Variants in EPSTI1 observed in about 807,000 individuals in gnomAD.
The protein encoded by EPSTI1 is epithelial stromal interaction 1.
A neutral mutation model predicts 49.9 loss-of-function variants in EPSTI1; 66 were observed. The observed-to-expected ratio is 1.32, with a 90% CI of 1.08 to 1.62. The LOEUF (loss-of-function observed/expected upper bound fraction) is 1.62. Ranked by LOEUF, EPSTI1 falls within the 40% of genes most tolerant of loss-of-function variation. EPSTI1 has a pLI of 0.00. For missense variants in EPSTI1, 394 were observed against 365.5 expected (o/e 1.08, Z -0.64); for synonymous variants, 137 against 130.7 (o/e 1.05, Z -0.33).
At chr13:42,898,010 A>C (rs2037244914) in intron 9 of EPSTI1, among the ~76,000 whole-genome samples, 1 of 152,130 alleles carries the variant, frequency 6.6e-6, no homozygotes, top group Non-Finnish European at 1.5e-5. Flanking sequence ...TCATGGCCCA[A>C]ATCCTTTCAA....
intron 8 of EPSTI1, among the ~76,000 whole-genome samples, chr13:42,908,484 G>GAA (rs140923122): frequency 0.31 from 34,474 of 112,098 alleles, 5,643 homozygotes; most frequent in Middle Eastern, 0.42. Context: ...ACTCTGTTAT[G>GAA]AAAAAAAAAA....
chr13:42,949,750 C>T (rs1261569021), intron 6 of EPSTI1, among the ~76,000 whole-genome samples: 1 of 152,054 alleles, frequency 6.6e-6, no homozygotes, highest in Non-Finnish European at 1.5e-5. Context: ...TACCCGCACA[C>T]AAAATGAATC....
chr13:42,987,801 A>C (rs562304783), intron 1 of EPSTI1, among the ~76,000 whole-genome samples: 1 of 152,132 alleles, frequency 6.6e-6, no homozygotes, highest in Non-Finnish European at 1.5e-5. Context: ...CCTAGTTTTT[A>C]ATTAGTTCTT....
intron 3 of EPSTI1, among the ~76,000 whole-genome samples, 188 bp downstream of exon 3, chr13:42,968,906 A>G (rs1444077926): frequency 2.7e-5 from 1 of 37,104 alleles, no homozygotes; most frequent in African/African-American, 7.5e-5. Context: ...GCAGAAAATC[A>G]GAAAAAAAAA....
At chr13:42,972,565 C>A (rs1231137982) in intron 1 of EPSTI1, among the ~76,000 whole-genome samples, 1 of 152,190 alleles carries the variant, frequency 6.6e-6, no homozygotes, top group African/African-American at 2.4e-5. Flanking sequence ...TGACTTAGAT[C>A]AGTTTTCTGT....
chr13:42,917,178 A>G (rs1486942398), intron 8 of EPSTI1, among the ~76,000 whole-genome samples: 1 of 152,134 alleles, frequency 6.6e-6, no homozygotes, highest in Non-Finnish European at 1.5e-5. Flanking sequence ...GCATTATCAC[A>G]TTCTCTGGAT....
At chr13:42,927,668 A>C (rs2153422012) in intron 6 of EPSTI1, among the ~76,000 whole-genome samples, 1 of 152,294 alleles carries the variant, frequency 6.6e-6, no homozygotes, top group African/African-American at 2.4e-5. Context: ...AAAGGTCAGA[A>C]GCTTGATCTG....
At chr13:42,921,529 G>T (rs769062718) in intron 7 of EPSTI1, among the ~76,000 whole-genome samples, 2 of 152,150 alleles carry the variant, frequency 1.3e-5, no homozygotes, top group Non-Finnish European at 2.9e-5. Flanking sequence ...CAAGAAAATA[G>T]AAGAAATGAG....
intron 1 of EPSTI1, among the ~76,000 whole-genome samples, chr13:42,985,960 C>A (rs1323411163): frequency 6.6e-6 from 1 of 152,242 alleles, no homozygotes; most frequent in Non-Finnish European, 1.5e-5. Flanking sequence ...CCTCCTGTTT[C>A]CTCACTGAGA....
At chr13:42,911,289 G>A (rs78155306) in intron 8 of EPSTI1, among the ~76,000 whole-genome samples, 27,174 of 120,004 alleles carry the variant, frequency 0.23, 2,583 homozygotes, top group Admixed American at 0.27. Context: ...GCACACGTGT[G>A]TGAGTGTGCA....
At chr13:42,924,332 C>A (rs2038107308) in intron 7 of EPSTI1, among the ~76,000 whole-genome samples, 1 of 152,164 alleles carries the variant, frequency 6.6e-6, no homozygotes, top group South Asian at 2.1e-4. Flanking sequence ...CTCTGAGGAT[C>A]CTATGACAAA....
chr13:42,968,953 C>CACACACACACACACACACAA, intron 3 of EPSTI1, 141 bp downstream of exon 3: 1 of 605,650 alleles, frequency 1.7e-6, no homozygotes. Flanking sequence ...CACACACACA[C>CACACACACACACACACACAA]AATTAAATGC....
At chr13:42,985,568 G>A (rs999101137) in intron 1 of EPSTI1, among the ~76,000 whole-genome samples, 3 of 152,170 alleles carry the variant, frequency 2.0e-5, no homozygotes, top group African/African-American at 7.2e-5. Flanking sequence ...GAAGGAAAGA[G>A]GATTGAGTAG....
At chr13:42,988,850 GTTTATTTA>G (rs71734350) in intron 1 of EPSTI1, among the ~76,000 whole-genome samples, 94,631 of 149,850 alleles carry the variant, frequency 0.63, 31,381 homozygotes, top group Non-Finnish European at 0.74. Context: ...CAAATAGGTG[GTTTATTTA>G]TTTATTTATT....
In EPSTI1 at chr13:42,891,289, A is replaced by G. The variant is rs918913085; in HGVS notation, c.916-2787T>C. Among the ~76,000 whole-genome samples, 4 of 152,170 alleles carry G rather than the reference A, an allele frequency of 2.6e-5. 1 individual carries two copies. Among genetic ancestry groups the G allele is most frequent in the African/African-American group, 9.7e-5 (4 of 41,436 alleles). On this transcript the variant is annotated intron_variant, in intron 10 of 10. Transcript: ENST00000313624. Reference sequence around the variant, plus strand: ...TTCTTTTTAATCAGAAAAACTTTCTAGACATTTGAAATAATCTGTTCCTTG... The same window carrying G: ...TTCTTTTTAATCAGAAAAACTTTCTGGACATTTGAAATAATCTGTTCCTTG...
In EPSTI1 at chr13:42,888,143, CA is replaced by C; in HGVS notation, c.*350del. The C allele has an allele frequency of 7.5e-7, 1 of 1,329,200 alleles. No homozygotes were observed. 82.3% of individuals were successfully genotyped at this position (1,329,200 alleles called of 1,614,324 possible). On this transcript the variant is annotated 3_prime_UTR_variant, in exon 11 of 11. Coordinates refer to ENST00000313624, the MANE Select transcript of EPSTI1 (RefSeq NM_033255.5). ...ATCTGAGAATTAGATAAGAATATGT[CA>C]CTTAGAAAGACAAGCCTGTAGCACC...
At chr13:42,967,366 G>T (rs2039650685) in intron 3 of EPSTI1, among the ~76,000 whole-genome samples, 1 of 151,974 alleles carries the variant, frequency 6.6e-6, no homozygotes, top group Admixed American at 6.6e-5. Flanking sequence ...GGTCTTATTG[G>T]ATTCATGCCT....
At chr13:42,961,203 A>G (rs1395664000) in intron 5 of EPSTI1, among the ~76,000 whole-genome samples, 1 of 152,212 alleles carries the variant, frequency 6.6e-6, no homozygotes, top group Non-Finnish European at 1.5e-5. Flanking sequence ...TTTAGTGCTA[A>G]GCAGTGGTGT....
In EPSTI1 at chr13:42,953,016, A is replaced by G. The variant is rs575316707; in HGVS notation, c.563+932T>C. ...AGGAACAACAATGGAGTGAGAGAAC[A>G]GGCGGCAGGCAGTGAATATTTCATA... is the stretch of plus-strand genomic sequence containing the variant. On this transcript the variant is annotated intron_variant, in intron 6 of 10. Coordinates refer to ENST00000313624, the MANE Select transcript of EPSTI1 (RefSeq NM_033255.5). Among the ~76,000 whole-genome samples the G allele has an allele frequency of 5.3e-5, 8 of 152,286 alleles. No homozygotes were observed. In the East Asian group the frequency reaches 1.5e-3, roughly 29 times the overall value.
Sources: gnomAD v4.1 joint callset for allele counts (sites outside exome capture counted in the v4.1 genomes callset) on GRCh38, gnomAD v4.1.1 for gene constraint, MANE v1.5 for transcripts, NCBI Gene and HGNC (gene_info 2026-07-23, HGNC 2026-07-21) for gene names.